ZNF208: variants seen among roughly 807,000 people sequenced by gnomAD.
The protein encoded by ZNF208 is zinc finger protein 95.
Under a neutral mutation model 12.1 loss-of-function variants are expected in ZNF208, and 10 were observed. The observed-to-expected ratio is 0.83, with a 90% CI of 0.51 to 1.40. The LOEUF is 1.40. Ranked by LOEUF, ZNF208 falls within the 40% of genes most tolerant of loss-of-function variation. ZNF208 has a pLI of 0.00. For synonymous variants in ZNF208, 497 were observed against 488.4 expected, an observed-to-expected ratio of 1.02 and a Z score of -0.23; for missense variants, 1,652 against 1,485.0, an observed-to-expected ratio of 1.11 and a Z score of -1.85.
At position 21,966,778 on chromosome 19, in the gene ZNF208, TTTTAATA is replaced by T. The variant is rs1225969744; in HGVS notation, c.*4406_*4412del. ...AACTTCAACATCTTATTTATCTTAC[TTTTAATA>T]AGTCATTCTTACTGGTATGAAATAG... On this transcript the variant is annotated 3_prime_UTR_variant, in exon 4 of 4. Coordinates refer to ENST00000397126, the MANE Select transcript of ZNF208 (RefSeq NM_007153.3). 1 of 152,164 alleles carries T rather than the reference TTTTAATA, an allele frequency of 6.6e-6. No individual in the cohort carries two copies. Among genetic ancestry groups the T allele is most frequent in the Non-Finnish European group, 1.5e-5 (1 of 68,004 alleles). The allele number at this position is 152,164 out of a possible 1,614,324, so 9.4% of individuals were successfully genotyped here.
At position 21,951,008 on chromosome 19, in the gene ZNF208, C is replaced by T. The variant is rs112933655; in HGVS notation, c.306-17771G>A. Among the ~76,000 whole-genome samples, 6 of 152,316 alleles carry T rather than the reference C, an allele frequency of 3.9e-5. No homozygotes were observed. In the South Asian group the frequency reaches 6.2e-4, roughly 16 times the overall value. Reference sequence around the variant, plus strand: ...GTCAAAATTAAAGGCTGTAGTGCCTCTTGGTTCATGCAACTTCAATATTTA... The same window carrying T: ...GTCAAAATTAAAGGCTGTAGTGCCTTTTGGTTCATGCAACTTCAATATTTA... On this transcript the variant is annotated intron_variant, in intron 4 of 4. Coordinates refer to the ZNF208 transcript ENST00000599916.
At chr19:21,987,622 T>A (rs978730802) in intron 2 of ZNF208, among the ~76,000 whole-genome samples, 1 of 152,074 alleles carries the variant, frequency 6.6e-6, no homozygotes, top group Non-Finnish European at 1.5e-5. Context: ...AGAAAGATAC[T>A]CCTTTGAAGC....
chr19:21,959,922 T>C (rs188557870), intron 4 of ZNF208, among the ~76,000 whole-genome samples: 43 of 152,224 alleles, frequency 2.8e-4, no homozygotes, highest in African/African-American at 1.0e-3. Context: ...TTTTTAATTT[T>C]CAAAAAAATT....
chr19:21,975,085 G>A (rs1184113415), intron 3 of ZNF208, among the ~76,000 whole-genome samples: 1 of 152,246 alleles, frequency 6.6e-6, no homozygotes, highest in African/African-American at 2.4e-5. Flanking sequence ...AATTTACCCA[G>A]TACGACTCTT....
chr19:22,006,967 C>T (rs1175221974), intron 1 of ZNF208, among the ~76,000 whole-genome samples: 1 of 152,094 alleles, frequency 6.6e-6, no homozygotes, highest in East Asian at 1.9e-4. Flanking sequence ...AGTTTCATGA[C>T]ATAAAATTTA....
chr19:21,961,775 C>T (rs1483113925), downstream of ZNF208, among the ~76,000 whole-genome samples: 1 of 148,034 alleles, frequency 6.8e-6, no homozygotes, highest in African/African-American at 2.5e-5. Context: ...TTTGTAGGCT[C>T]TCCTCAAGAA....
intron 1 of ZNF208, among the ~76,000 whole-genome samples, chr19:21,999,548 T>G (rs550047514): frequency 2.4e-4 from 37 of 152,292 alleles, no homozygotes; most frequent in Non-Finnish European, 5.0e-4. Context: ...TTACTCAGGA[T>G]CTTTTAGTCT....
At position 21,973,295 on chromosome 19, in the gene ZNF208, G is replaced by T; in HGVS notation, c.1739C>A (p.Pro580His). ...TTTGCCACATTCTTCACATTTGTAG[G>T]GTTTCTCTACAGTATGAATTTTCTT... ...YHKKIHTVEK[P>H]YKCEECGKAF... The change falls in exon 4 of 4, where the codon CCC becomes CAC. Residue 580 changes from proline (P) to histidine (H), a missense_variant. This residue lies in a region of ZNF208 where 1,239 missense variants were observed against 1,086.2 expected (regional missense o/e 1.14). Transcript: ENST00000397126. The T allele has an allele frequency of 6.2e-7, 1 of 1,610,672 alleles. No individual in the cohort carries two copies. Among genetic ancestry groups the T allele is most frequent in the Non-Finnish European group, 8.5e-7 (1 of 1,178,528 alleles).
intron 3 of ZNF208, among the ~76,000 whole-genome samples, chr19:21,977,872 C>T (rs2079063): frequency 0.15 from 23,502 of 152,126 alleles, 1,978 homozygotes; most frequent in Admixed American, 0.22. Context: ...CCAAGCTCCA[C>T]CTGGGAAGCT....
chr19:21,942,402 T>C (rs1969754807), intron 4 of ZNF208, among the ~76,000 whole-genome samples: 1 of 152,198 alleles, frequency 6.6e-6, no homozygotes, highest in Non-Finnish European at 1.5e-5. Flanking sequence ...TTTACTAATT[T>C]TATTTTATAA....
At chr19:21,981,046 A>G (rs6511306) in intron 3 of ZNF208, among the ~76,000 whole-genome samples, 92,702 of 151,938 alleles carry the variant, frequency 0.61, 28,860 homozygotes, top group African/African-American at 0.71. Flanking sequence ...TCAATAACGA[A>G]TTCTGAAACT....
At chr19:21,950,850 T>G (rs1969877913) in intron 4 of ZNF208, among the ~76,000 whole-genome samples, 1 of 152,158 alleles carries the variant, frequency 6.6e-6, no homozygotes, top group African/African-American at 2.4e-5. Context: ...ATTAGAAAAC[T>G]GGCAAACAAA....
Position 21,973,847 on chromosome 19 carries a change from G to C in ZNF208, c.1187C>G (p.Pro396Arg), listed in dbSNP as rs754480704. The C allele has an allele frequency of 6.2e-7, 1 of 1,613,410 alleles. No homozygotes were observed. The highest frequency in any genetic ancestry group is 8.5e-7 in the Non-Finnish European group (1 of 1,179,854). The change falls in exon 4 of 4, where the codon CCC (proline) becomes CGC (arginine). Residue 396 changes from proline to arginine, a missense_variant. By Grantham distance (103) the Pro-to-Arg change is moderately radical. Transcript: ENST00000397126. ...YHKKIHTGEK[P>R]YKCEECGKGF... ...TTTGCCACATTCTTCACATTTGTAG[G>C]GTTTCTCTCCAGTATGAATTTTCTT...
chr19:21,953,684 G>A (rs1406548304), intron 4 of ZNF208, among the ~76,000 whole-genome samples: 1 of 152,168 alleles, frequency 6.6e-6, no homozygotes, highest in Non-Finnish European at 1.5e-5. Flanking sequence ...AGAAACAACT[G>A]GTACCAGCCA....
At chr19:21,960,394 G>A (rs1411894345) in intron 4 of ZNF208, among the ~76,000 whole-genome samples, 1 of 150,070 alleles carries the variant, frequency 6.7e-6, no homozygotes, top group African/African-American at 2.5e-5. Flanking sequence ...AGATACATAA[G>A]TAAGAAAAGG....
Position 21,974,755 on chromosome 19 carries a change from A to C in ZNF208, c.279T>G (p.Asp93Glu), listed in dbSNP as rs1568446353. The stretch of plus-strand genomic sequence containing the variant: ...TTCTCAATATCACTTTTTGGAAAGA[A>C]TCTTCTATGCCCTGCTCTGGCCAAA... Reference protein sequence around the residue: ...QDLWPEQGIEDSFQKVILRRY... With the variant: ...QDLWPEQGIEESFQKVILRRY... Residue 93 changes from aspartate to glutamate, a missense_variant, in exon 4 of 4, where the codon GAT becomes GAG. Asp to Glu is a conservative substitution (Grantham distance 45). Transcript: ENST00000397126. The C allele has an allele frequency of 1.2e-6, 2 of 1,609,500 alleles. No homozygotes were observed. Among genetic ancestry groups the C allele is most frequent in the Non-Finnish European group, 1.7e-6 (2 of 1,177,822 alleles).
chr19:22,008,173 C>T (rs1319846249), intron 1 of ZNF208, among the ~76,000 whole-genome samples: 1 of 149,808 alleles, frequency 6.7e-6, no homozygotes, highest in Non-Finnish European at 1.5e-5. Context: ...TGTGGTGGTG[C>T]ACACCTGTAG....
intron 4 of ZNF208, among the ~76,000 whole-genome samples, chr19:21,950,720 C>T (rs1000355200): frequency 6.6e-6 from 1 of 152,040 alleles, no homozygotes; most frequent in Non-Finnish European, 1.5e-5. Context: ...GTCTCAAACT[C>T]CTGACCTCAG....
intron 4 of ZNF208, among the ~76,000 whole-genome samples, chr19:21,950,164 C>G (rs1206192470): frequency 6.6e-6 from 1 of 152,172 alleles, no homozygotes; most frequent in Non-Finnish European, 1.5e-5. Flanking sequence ...AATATCCAAG[C>G]TATAAGTATA....
Sources: gnomAD v4.1 joint callset for allele counts (sites outside exome capture counted in the v4.1 genomes callset) on GRCh38, gnomAD v4.1.1 for gene constraint, gnomAD v4.1.1 regional missense constraint, MANE v1.5 for transcripts, NCBI Gene and HGNC (gene_info 2026-07-23, HGNC 2026-07-21) for gene names.